The following CNBD2 variants were observed in gnomAD, a reference collection of about 807,000 sequenced individuals.
The protein encoded by CNBD2 is cyclic nucleotide binding domain containing 2, also known as cyclic nucleotide-binding domain-containing protein 2.
Under a neutral mutation model 63.7 loss-of-function variants are expected in CNBD2, and 64 were observed. The observed-to-expected ratio is 1.00, with a 90% CI of 0.82 to 1.24. The LOEUF (loss-of-function observed/expected upper bound fraction) is 1.24, where lower values mean the gene tolerates loss of function less well. Ranked by LOEUF, CNBD2 falls within the 50% of genes most tolerant of loss-of-function variation. The pLI is 0.00. For synonymous variants in CNBD2, 229 were observed against 255.4 expected (o/e 0.90, Z 0.99); for missense variants, 691 against 713.5 (o/e 0.97, Z 0.36).
downstream of CNBD2, among the ~76,000 whole-genome samples, chr20:35,957,106 A>G (rs2056263881): frequency 6.6e-6 from 1 of 152,160 alleles, no homozygotes; most frequent in African/African-American, 2.4e-5. Context: ...TTCCATCCCT[A>G]TTGAAATCGT....
chr20:36,016,894 A>G (rs2057140712), intron 10 of CNBD2, among the ~76,000 whole-genome samples: 1 of 151,132 alleles, frequency 6.6e-6, no homozygotes, highest in African/African-American at 2.4e-5. Flanking sequence ...TCCTGTCTCT[A>G]CAAAAAATTA....
rs965467398 is a variant in CNBD2, at chr20:35,986,813, G to A, written c.717-582G>A. On this transcript the variant is annotated intron_variant, in intron 6 of 11. Transcript: ENST00000373973. ...TATGAAGGCAGGCAAGCCTGTGAAC[G>A]TGGTGTTCAAGGTCAGGGGAAGGGG... Among the ~76,000 whole-genome samples, 4 of 152,212 alleles carry A rather than the reference G, an allele frequency of 2.6e-5. No homozygotes were observed. The East Asian group carries it at 7.7e-4, about 29-fold the overall frequency.
chr20:35,960,348 G>A (rs2056296256), downstream of CNBD2, among the ~76,000 whole-genome samples: 1 of 152,198 alleles, frequency 6.6e-6, no homozygotes, highest in African/African-American at 2.4e-5. Context: ...TCATTTGACA[G>A]AGTCTGTCAT....
intron 3 of CNBD2, among the ~76,000 whole-genome samples, chr20:35,977,019 A>G (rs1445062700): frequency 6.6e-6 from 1 of 152,150 alleles, no homozygotes; most frequent in African/African-American, 2.4e-5. Flanking sequence ...TACTCAGTTA[A>G]GTCATTCAAG....
chr20:36,003,580 A>T (rs1234814413), intron 8 of CNBD2, among the ~76,000 whole-genome samples: 2 of 152,160 alleles, frequency 1.3e-5, no homozygotes, highest in Non-Finnish European at 2.9e-5. Flanking sequence ...TGGGAAAAGG[A>T]CTATTTCTGG....
At chr20:35,963,495 G>A (rs987108182) in intron 2 of CNBD2, among the ~76,000 whole-genome samples, 1 of 151,970 alleles carries the variant, frequency 6.6e-6, no homozygotes, top group African/African-American at 2.4e-5. Flanking sequence ...ACAAAAATTA[G>A]CCAGGCACGA....
intron 8 of CNBD2, among the ~76,000 whole-genome samples, chr20:35,998,640 G>A (rs983107948): frequency 2.6e-5 from 4 of 151,762 alleles, no homozygotes; most frequent in Non-Finnish European, 4.4e-5. Flanking sequence ...AGGCCAAGGC[G>A]GGCAGATCAC....
intron 8 of CNBD2, among the ~76,000 whole-genome samples, chr20:36,007,493 G>A (rs1057199336): frequency 1.3e-5 from 2 of 152,054 alleles, no homozygotes; most frequent in Non-Finnish European, 2.9e-5. Flanking sequence ...CCTATTATAT[G>A]TCGGTGCTGT....
intron 8 of CNBD2, among the ~76,000 whole-genome samples, chr20:35,995,778 T>C (rs2056816683): frequency 6.6e-6 from 1 of 152,246 alleles, no homozygotes. Flanking sequence ...CTCTTGGGTA[T>C]TACCTATATG....
intron 2 of CNBD2, chr20:35,973,680 A>T (rs537763696): frequency 6.6e-6 from 1 of 152,388 alleles, no homozygotes; most frequent in East Asian, 1.9e-4. Context: ...AAGTGCTGGG[A>T]TTACAGGCGT....
At chr20:36,025,204 C>T (rs2057268834) in intron 11 of CNBD2, among the ~76,000 whole-genome samples, 1 of 152,084 alleles carries the variant, frequency 6.6e-6, no homozygotes, top group African/African-American at 2.4e-5. Flanking sequence ...CTTTATAAAA[C>T]ACTTACCCGA....
intron 3 of CNBD2, among the ~76,000 whole-genome samples, chr20:35,978,648 G>T (rs2056556150): frequency 6.6e-6 from 1 of 151,934 alleles, no homozygotes; most frequent in Non-Finnish European, 1.5e-5. Flanking sequence ...CCGGCCCAAT[G>T]CCCAGCTAAT....
chr20:35,981,111 T>G (rs1034351583), intron 4 of CNBD2, among the ~76,000 whole-genome samples: 3 of 152,138 alleles, frequency 2.0e-5, no homozygotes, highest in South Asian at 2.1e-4. Context: ...AGGGTGTGAT[T>G]GGTGGAAAAA....
chr20:35,958,091 A>C (rs6060719), downstream of CNBD2, among the ~76,000 whole-genome samples: 39,603 of 152,050 alleles, frequency 0.26, 6,187 homozygotes, highest in African/African-American at 0.44. Context: ...TTGGATACTT[A>C]TTTTCTTTTT....
Position 36,030,471 on chromosome 20 carries a change from G to A in CNBD2, c.1554G>A (p.Arg518=). The change falls in exon 12 of 12, where the codon CGG becomes CGA. Residue 518 remains arginine, a synonymous_variant. Coordinates refer to ENST00000373973, the MANE Select transcript of CNBD2 (RefSeq NM_001365709.1). ...PCQSQLFTPN[R]PKKREIYNPK... is the part of the protein sequence containing the mutation. The stretch of plus-strand genomic sequence containing the variant: ...AAAGTCAACTGTTCACTCCAAACCG[G>A]CCCAAGAAGAGAGAGATCTACAACC... 1 of 1,613,768 alleles carries A rather than the reference G, an allele frequency of 6.2e-7. No homozygotes were observed. The highest frequency in any genetic ancestry group is 1.3e-5 in the African/African-American group (1 of 74,864).
At chr20:36,022,406 G>A (rs1347363839) in intron 10 of CNBD2, among the ~76,000 whole-genome samples, 4 of 151,110 alleles carry the variant, frequency 2.6e-5, no homozygotes, top group Non-Finnish European at 5.9e-5. Context: ...CACCGTGTTC[G>A]TCAGGATGGT....
intron 8 of CNBD2, among the ~76,000 whole-genome samples, chr20:36,006,573 C>T (rs2056987911): frequency 6.6e-6 from 1 of 152,060 alleles, no homozygotes. Flanking sequence ...CATGCCACCA[C>T]ACCCTGCTAA....
chr20:35,998,048 T>C (rs1356122624), intron 8 of CNBD2, among the ~76,000 whole-genome samples: 2 of 147,276 alleles, frequency 1.4e-5, no homozygotes, highest in African/African-American at 2.5e-5. Flanking sequence ...TTCTTTTTTT[T>C]TTTTTTTTTT....
chr20:35,984,867 C>A, intron 6 of CNBD2, 89 bp downstream of exon 6: 2 of 1,347,804 alleles, frequency 1.5e-6, no homozygotes, highest in Non-Finnish European at 1.0e-6. Flanking sequence ...GGGAAACATA[C>A]TGGTTGCTGT....
Sources: gnomAD v4.1 joint callset for allele counts (sites outside exome capture counted in the v4.1 genomes callset) on GRCh38, gnomAD v4.1.1 for gene constraint, MANE v1.5 for transcripts, NCBI Gene and HGNC (gene_info 2026-07-23, HGNC 2026-07-21) for gene names.